CCL20: variants seen among roughly 807,000 people sequenced by gnomAD.
CCL20 encodes C-C motif chemokine 20.
CCL20 carries 8 observed loss-of-function variants against 10.8 expected under a neutral mutation model. The observed-to-expected ratio is 0.74, with a 90% CI of 0.44 to 1.34. CCL20 has a LOEUF of 1.34. Ranked by LOEUF, CCL20 falls within the 40% of genes most tolerant of loss-of-function variation. The pLI is 0.01. For missense variants in CCL20, 107 were observed against 117.9 expected (o/e 0.91, Z 0.43); for synonymous variants, 40 against 39.4 (o/e 1.02, Z -0.06).
rs1690011102 is a variant in CCL20 at position 227,815,480 on chromosome 2, G to T, written c.103G>T (p.Gly35Ter). Residue 35 changes from glycine (G) to a stop codon, truncating the protein, a stop_gained, in exon 2 of 4, where the codon GGA (glycine) becomes TGA (stop). Coordinates refer to ENST00000358813, the MANE Select transcript of CCL20 (RefSeq NM_004591.3). LOFTEE classifies it high-confidence loss of function. Reference sequence around the variant, plus strand: ...AGCAAGCAACTTTGACTGCTGTCTTGGATACACAGACCGTATTCTTCATCC... The same window carrying T: ...AGCAAGCAACTTTGACTGCTGTCTTTGATACACAGACCGTATTCTTCATCC... ...EAASNFDCCL[G>*]YTDRILHPKF... 2.5e-6 allele frequency: 4 copies of T among 1,599,506 alleles called. No homozygotes were observed. Among genetic ancestry groups the T allele is most frequent in the Non-Finnish European group, 3.4e-6 (4 of 1,173,424 alleles).
At chr2:227,816,048 C>A in intron 2 of CCL20, 1 of 432,832 alleles carries the variant, frequency 2.3e-6, no homozygotes, top group South Asian at 3.4e-5. Context: ...ATGTAACCAC[C>A]AATAGCAAAA....
intron 3 of CCL20, among the ~76,000 whole-genome samples, chr2:227,816,633 C>T (rs1023587215): frequency 4.6e-5 from 7 of 152,176 alleles, no homozygotes; most frequent in African/African-American, 9.7e-5. Flanking sequence ...TAGTTACTAG[C>T]TGCCTGATTC....
chr2:227,816,186 TA>T, intron 2 of CCL20, 120 bp from the exon 3 acceptor site: 1 of 534,300 alleles, frequency 1.9e-6, no homozygotes, highest in South Asian at 2.9e-5. Context: ...CATTTTATTT[TA>T]CCTCATCAAC....
In CCL20 at chr2:227,815,514, T is replaced by C; in HGVS notation, c.137T>C (p.Ile46Thr). The change falls in exon 2 of 4, where the codon ATT (isoleucine) becomes ACT (threonine). Residue 46 changes from isoleucine to threonine, a missense_variant. Transcript: ENST00000358813. ...GACCGTATTCTTCATCCTAAATTTATTGTGGGCTTCACACGGCAGCTGGCC... is the reference window on the plus strand; with the variant it reads ...GACCGTATTCTTCATCCTAAATTTACTGTGGGCTTCACACGGCAGCTGGCC... ...YTDRILHPKFIVGFTRQLANE... is the reference protein window; with the variant it reads ...YTDRILHPKFTVGFTRQLANE... 2 of 1,612,626 alleles carry C rather than the reference T, an allele frequency of 1.2e-6. No individual in the cohort carries two copies. The highest frequency in any genetic ancestry group is 1.6e-4 in the Middle Eastern group (1 of 6,062).
At position 227,817,109 on chromosome 2, in the gene CCL20, T is replaced by C; in HGVS notation, c.*26T>C. ...AAACTGTGGCTTTTCTGGAATGGAA[T>C]TGGACATAGCCCAAGAACAGAAAGA... On this transcript the variant is annotated 3_prime_UTR_variant, in exon 4 of 4. Transcript: ENST00000358813. 1.9e-6 allele frequency: 3 copies of C among 1,597,436 alleles called. No individual in the cohort carries two copies. The highest frequency in any genetic ancestry group is 2.6e-6 in the Non-Finnish European group (3 of 1,165,644).
At chr2:227,816,541 T>C (rs1453181779) in intron 3 of CCL20, among the ~76,000 whole-genome samples, 157 bp downstream of exon 3, 1 of 152,208 alleles carries the variant, frequency 6.6e-6, no homozygotes, top group African/African-American at 2.4e-5. Flanking sequence ...AATGCATTTT[T>C]CCACTTACAG....
At position 227,817,301 on chromosome 2, in the gene CCL20, A is replaced by G. The variant is rs1690036500; in HGVS notation, c.*218A>G. On this transcript the variant is annotated 3_prime_UTR_variant, in exon 4 of 4. Transcript: ENST00000358813. ...TTAAACTGTATTTTATGTTATTTAT[A>G]GCTGTAGGTTTTCTGTGTTTAGCTA... 2.8e-6 allele frequency: 1 copy of G among 355,070 alleles called. No homozygotes were observed. Among genetic ancestry groups the G allele is most frequent in the Admixed American group, 4.7e-5 (1 of 21,450 alleles). The allele number at this position is 355,070 out of a possible 1,614,324, so 22.0% of individuals were successfully genotyped here. A position where few individuals can be genotyped will look rare whatever the true frequency, so the allele number is the denominator to read the frequency against.
intron 1 of CCL20, among the ~76,000 whole-genome samples, chr2:227,814,757 A>C (rs1255590257): frequency 5.7e-5 from 8 of 139,492 alleles, no homozygotes; most frequent in Non-Finnish European, 1.1e-4. Context: ...ATTTTTTTAC[A>C]TTTTTTTTTT....
At chr2:227,815,815 G>C (rs1439828566) in intron 2 of CCL20, 3 of 362,460 alleles carry the variant, frequency 8.3e-6, no homozygotes, top group African/African-American at 6.4e-5. Flanking sequence ...TTGGTCAAAC[G>C]GAACTAGTAT....
intron 1 of CCL20, chr2:227,815,228 C>T (rs1690006587): frequency 5.6e-6 from 2 of 354,808 alleles, no homozygotes; most frequent in Non-Finnish European, 1.0e-5. Context: ...ACCAAAACTT[C>T]TCGGCACACA....
At chr2:227,814,061 G>A (rs187614345) in intron 1 of CCL20, 74 bp downstream of exon 1, 1 of 1,251,696 alleles carries the variant, frequency 8.0e-7, no homozygotes, top group East Asian at 2.3e-5. Flanking sequence ...GCTCAACTGG[G>A]GGTCCCTAAG....
intron 2 of CCL20, chr2:227,815,944 G>C (rs1690019162): frequency 4.2e-6 from 1 of 239,902 alleles, no homozygotes; most frequent in Non-Finnish European, 8.0e-6. Flanking sequence ...TAAAATCTCA[G>C]ACTAATTATA....
chr2:227,815,793 T>A (rs559484726), intron 2 of CCL20: 62 of 391,280 alleles, frequency 1.6e-4, no homozygotes, highest in Admixed American at 1.3e-3. Flanking sequence ...AAACCTTTTT[T>A]AAAAATTTTT....
At position 227,813,953 on chromosome 2, in the gene CCL20, A is replaced by G; in HGVS notation, c.42A>G (p.Ser14=). The change falls in exon 1 of 4, where the codon TCA becomes TCG. Residue 14 remains serine, a synonymous_variant. Coordinates refer to ENST00000358813, the MANE Select transcript of CCL20 (RefSeq NM_004591.3). ...GTTTGCTCCTGGCTGCTTTGATGTC[A>G]GTGCTGCTACTCCACCTCTGCGGCG... is the stretch of plus-strand genomic sequence containing the variant. ...TKSLLLAALM[S]VLLLHLCGES... is the part of the protein sequence containing the mutation. The G allele has an allele frequency of 6.2e-7, 1 of 1,614,146 alleles. No homozygotes were observed. Among genetic ancestry groups the G allele is most frequent in the South Asian group, 1.1e-5 (1 of 91,086 alleles).
intron 3 of CCL20, among the ~76,000 whole-genome samples, chr2:227,816,849 A>C (rs1690031872): frequency 6.6e-6 from 1 of 152,230 alleles, no homozygotes; most frequent in South Asian, 2.1e-4. Flanking sequence ...ACACAAGATA[A>C]GTGTCCATAG....
In CCL20 at chr2:227,815,381, A is replaced by G. The variant is rs927868732; in HGVS notation, c.77-73A>G. 6.8e-6 allele frequency: 5 copies of G among 735,808 alleles called. No individual in the cohort carries two copies. In the African/African-American group the frequency reaches 8.9e-5, roughly 13 times the overall value. 45.6% of individuals were successfully genotyped at this position (735,808 alleles called of 1,614,324 possible). A position where few individuals can be genotyped will look rare whatever the true frequency, so the allele number is the denominator to read the frequency against. On this transcript the variant is annotated intron_variant, in intron 1 of 3. Transcript: ENST00000358813. Reference sequence around the variant, plus strand: ...CACTAGATTTTTCACAACTTAAGGTAGTTTTATAATACCAATCACAGGATA... The same window carrying G: ...CACTAGATTTTTCACAACTTAAGGTGGTTTTATAATACCAATCACAGGATA...
chr2:227,814,583 AAT>A (rs1491252350), intron 1 of CCL20, among the ~76,000 whole-genome samples: 1 of 46,018 alleles, frequency 2.2e-5, no homozygotes, highest in Non-Finnish European at 9.8e-5. Flanking sequence ...ATGCACATTG[AAT>A]TTTTTTTTTT....
rs1369886873 is a variant in CCL20 at position 227,816,396 on chromosome 2, T to G, written c.269+12T>G. On this transcript the variant is annotated intron_variant, in intron 3 of 3. Transcript: ENST00000358813. ...GTGCGTCTCCTCAGGTATGTTACAC[T>G]GACATTTAGCCTTTGCAAATGTTTG... 1 of 1,511,022 alleles carries G rather than the reference T, an allele frequency of 6.6e-7. No homozygotes were observed. Among genetic ancestry groups the G allele is most frequent in the Non-Finnish European group, 9.2e-7 (1 of 1,087,604 alleles). 93.6% of individuals were successfully genotyped at this position (1,511,022 alleles called of 1,614,324 possible).
chr2:227,814,643 A>G (rs562051084), intron 1 of CCL20, among the ~76,000 whole-genome samples: 1 of 151,948 alleles, frequency 6.6e-6, no homozygotes, highest in South Asian at 2.1e-4. Flanking sequence ...GTGCAGTGGC[A>G]TGATTACAGC....
Sources: gnomAD v4.1 joint callset for allele counts (sites outside exome capture counted in the v4.1 genomes callset) on GRCh38, gnomAD v4.1.1 for gene constraint, MANE v1.5 for transcripts, NCBI Gene and HGNC (gene_info 2026-07-23, HGNC 2026-07-21) for gene names.